Variants in SLCO1A2 observed in about 807,000 individuals in gnomAD.
The protein encoded by SLCO1A2 is OATP-1.
A neutral mutation model predicts 69.0 loss-of-function variants in SLCO1A2; 67 were observed. That is an observed-to-expected ratio of 0.97 (90% CI 0.80 to 1.19). The LOEUF (loss-of-function observed/expected upper bound fraction) is 1.19. Ranked by LOEUF, SLCO1A2 falls within the 50% of genes most tolerant of loss-of-function variation. SLCO1A2 has a pLI of 0.00. For synonymous variants in SLCO1A2, 260 were observed against 265.9 expected (o/e 0.98, Z 0.22); for missense variants, 787 against 793.7 (o/e 0.99, Z 0.10).
At chr12:21,269,891 A>G in intron 14 of SLCO1A2, 124 bp from the exon 15 acceptor site, 2 of 563,570 alleles carry the variant, frequency 3.5e-6, no homozygotes, top group Non-Finnish European at 5.6e-6. Context: ...TGCTGATCTT[A>G]TATAAGCAAC....
intron 2 of SLCO1A2, among the ~76,000 whole-genome samples, chr12:21,349,837 A>T (rs996101147): frequency 1.3e-5 from 2 of 151,970 alleles, no homozygotes; most frequent in Non-Finnish European, 2.9e-5. Context: ...TTAATCTAAC[A>T]CCCTGAACCT....
intron 1 of SLCO1A2, among the ~76,000 whole-genome samples, chr12:21,392,252 C>G (rs1287978221): frequency 6.6e-6 from 1 of 152,164 alleles, no homozygotes; most frequent in African/African-American, 2.4e-5. Context: ...ACTCTCATCA[C>G]CACTCCATAT....
At chr12:21,367,037 A>G (rs1385691285) in intron 2 of SLCO1A2, among the ~76,000 whole-genome samples, 1 of 152,118 alleles carries the variant, frequency 6.6e-6, no homozygotes, top group African/African-American at 2.4e-5. Flanking sequence ...AAAGATCCAC[A>G]CCAAAGCATA....
At chr12:21,314,336 A>C (rs144061749) in intron 4 of SLCO1A2, among the ~76,000 whole-genome samples, 3 of 152,304 alleles carry the variant, frequency 2.0e-5, no homozygotes, top group Admixed American at 6.5e-5. Flanking sequence ...AAGGTCCCAA[A>C]TCCCCATTGT....
chr12:21,392,552 A>G (rs1251816725), intron 1 of SLCO1A2, among the ~76,000 whole-genome samples: 1 of 152,190 alleles, frequency 6.6e-6, no homozygotes, highest in Non-Finnish European at 1.5e-5. Context: ...ACCTCCCCCT[A>G]ACAGAAGTGA....
chr12:21,269,354 C>T lies in SLCO1A2; in HGVS notation c.*194G>A, dbSNP rs1942386360. 1 of 431,230 alleles carries T rather than the reference C, an allele frequency of 2.3e-6. No homozygotes were observed. The highest frequency in any genetic ancestry group is 4.1e-6 in the Non-Finnish European group (1 of 244,390). 26.7% of individuals were successfully genotyped at this position (431,230 alleles called of 1,614,324 possible). On this transcript the variant is annotated 3_prime_UTR_variant, in exon 15 of 15. Coordinates refer to ENST00000683939, the MANE Select transcript of SLCO1A2 (RefSeq NM_001386879.1). ...TTCTTTAGGGGGCTGTTATTGATGT[C>T]CCTCCTAGGAAAACTCAAGTGTCAC... is the stretch of plus-strand genomic sequence containing the variant.
chr12:21,290,592 T>A (rs907574925), intron 12 of SLCO1A2, among the ~76,000 whole-genome samples: 5 of 152,188 alleles, frequency 3.3e-5, no homozygotes, highest in Admixed American at 3.3e-4. Flanking sequence ...GAAAACAACT[T>A]TATTATTCGG....
chr12:21,264,716 A>G lies in SLCO1A2; in HGVS notation c.*4832T>C, dbSNP rs140512412. 418 of 152,206 alleles carry G rather than the reference A, an allele frequency of 2.7e-3. No individual in the cohort carries two copies. Among genetic ancestry groups the G allele is most frequent in the African/African-American group, 9.5e-3 (393 of 41,530 alleles). The allele number at this position is 152,206 out of a possible 1,614,324, so 9.4% of individuals were successfully genotyped here. The stretch of plus-strand genomic sequence containing the variant: ...TGCAATAGTGTCTCACACAGAAATG[A>G]CTCCAAAGCTCTCCTGGAAAGGTTG... On this transcript the variant is annotated 3_prime_UTR_variant, in exon 15 of 15. Coordinates refer to ENST00000683939, the MANE Select transcript of SLCO1A2 (RefSeq NM_001386879.1).
chr12:21,400,207 G>T (rs1941640935), upstream of SLCO1A2, among the ~76,000 whole-genome samples: 1 of 152,158 alleles, frequency 6.6e-6, no homozygotes, highest in African/African-American at 2.4e-5. Flanking sequence ...CCATCAAAAA[G>T]TGGGCGAAGG....
In SLCO1A2 at chr12:21,408,973, G is replaced by C. The variant is rs924841308; in HGVS notation, c.-312+8909C>G. Among the ~76,000 whole-genome samples, 3 of 152,270 alleles carry C rather than the reference G, an allele frequency of 2.0e-5. No homozygotes were observed. The South Asian group carries it at 6.2e-4, about 32-fold the overall frequency. ...AATTGTGCCAAACTTATAAAAAGGC[G>C]GCAGAGGTAGACAGAGTTTGTGGAT... On this transcript the variant is annotated intron_variant, in intron 1 of 4. Transcript: ENST00000413682.
chr12:21,332,187 G>A (rs977051897), intron 2 of SLCO1A2, among the ~76,000 whole-genome samples: 13 of 152,088 alleles, frequency 8.5e-5, no homozygotes, highest in Non-Finnish European at 1.8e-4. Context: ...TATATTTTAG[G>A]AAGACATAAT....
At chr12:21,278,569 C>A (rs1251497071) in intron 12 of SLCO1A2, among the ~76,000 whole-genome samples, 2 of 152,124 alleles carry the variant, frequency 1.3e-5, no homozygotes, top group African/African-American at 4.8e-5. Context: ...GAAATTAAGG[C>A]AAAAGAACAA....
At chr12:21,277,535 T>G (rs180710816) in intron 12 of SLCO1A2, among the ~76,000 whole-genome samples, 17 of 152,196 alleles carry the variant, frequency 1.1e-4, no homozygotes, top group Non-Finnish European at 1.9e-4. Context: ...CAAAGGGAAT[T>G]CTGTCTTGCA....
intron 1 of SLCO1A2, among the ~76,000 whole-genome samples, chr12:21,391,617 T>A (rs1233882830): frequency 6.6e-6 from 1 of 152,120 alleles, no homozygotes; most frequent in Non-Finnish European, 1.5e-5. Flanking sequence ...TGTGGTGACA[T>A]CAGAAAAGAA....
upstream of SLCO1A2, among the ~76,000 whole-genome samples, chr12:21,338,094 A>C (rs1565506989): frequency 6.6e-6 from 1 of 152,012 alleles, no homozygotes; most frequent in Non-Finnish European, 1.5e-5. Flanking sequence ...GTTTAGGGGA[A>C]TTGGTTGTAA....
chr12:21,338,412 C>A (rs1195350698), upstream of SLCO1A2, among the ~76,000 whole-genome samples: 1 of 151,832 alleles, frequency 6.6e-6, no homozygotes, highest in Non-Finnish European at 1.5e-5. Context: ...GGCCTTCAGT[C>A]AGTAAAAATC....
chr12:21,337,616 A>G (rs559316199), upstream of SLCO1A2, among the ~76,000 whole-genome samples: 2 of 152,070 alleles, frequency 1.3e-5, no homozygotes, highest in South Asian at 4.1e-4. Context: ...CTGTGAGACA[A>G]GAACAGCCTC....
intron 1 of SLCO1A2, among the ~76,000 whole-genome samples, chr12:21,377,944 A>G (rs1053161998): frequency 6.6e-5 from 10 of 152,190 alleles, no homozygotes; most frequent in African/African-American, 2.4e-4. Context: ...AATGTAAGAC[A>G]AAGACACTGT....
chr12:21,294,135 T>C, intron 10 of SLCO1A2, 25 bp from the exon 11 acceptor site: 2 of 1,516,684 alleles, frequency 1.3e-6, no homozygotes, highest in African/African-American at 1.4e-5. Flanking sequence ...AATAATGCCA[T>C]AGATATTAAA....
Sources: allele counts gnomAD v4.1 joint callset (sites outside exome capture counted in the v4.1 genomes callset), GRCh38; gene constraint gnomAD v4.1.1; transcripts MANE v1.5; gene names NCBI Gene and HGNC (gene_info 2026-07-23, HGNC 2026-07-21).